TRPM3: variants seen among roughly 807,000 people sequenced by gnomAD.
TRPM3 encodes the protein long transient receptor potential channel 3.
A neutral mutation model predicts 181.2 loss-of-function variants in TRPM3; 77 were observed. The observed-to-expected ratio is 0.42, with a 90% CI of 0.35 to 0.51. The LOEUF (loss-of-function observed/expected upper bound fraction) is 0.51, where lower values mean the gene tolerates loss of function less well. Ranked by LOEUF, TRPM3 falls within the 20% of genes least tolerant of loss-of-function variation. TRPM3 has a pLI of 0.01. For synonymous variants in TRPM3, 745 were observed against 796.4 expected, an observed-to-expected ratio of 0.94 and a Z score of 1.09; for missense variants, 1,759 against 2,196.7, an observed-to-expected ratio of 0.80 and a Z score of 3.98.
At chr9:71,241,586 T>C (rs1056398346) in intron 1 of TRPM3, among the ~76,000 whole-genome samples, 1 of 152,012 alleles carries the variant, frequency 6.6e-6, no homozygotes, top group Non-Finnish European at 1.5e-5. Flanking sequence ...ATATGGCACA[T>C]GTATACGTAT....
At chr9:71,274,952 A>G (rs1048166657) in intron 1 of TRPM3, among the ~76,000 whole-genome samples, 2 of 152,124 alleles carry the variant, frequency 1.3e-5, no homozygotes, top group East Asian at 3.9e-4. Flanking sequence ...GAAATGCTTA[A>G]TCCTTTGAGT....
intron 8 of TRPM3, among the ~76,000 whole-genome samples, chr9:70,746,849 G>A (rs529281289): frequency 6.6e-6 from 1 of 152,236 alleles, no homozygotes; most frequent in Non-Finnish European, 1.5e-5. Context: ...TTGGAATCCA[G>A]GTTTGTCTGC....
chr9:71,436,298 C>CTT lies in TRPM3; in HGVS notation c.183+10353_183+10354dup, dbSNP rs71352382. On this transcript the variant is annotated intron_variant, in intron 1 of 24. Coordinates refer to the TRPM3 transcript ENST00000357533. ...TTAAACCTCTCTTTTTTTTTTCTTTCTTTTTTTTTTTTTTTTTTTTTTGAG... is the reference window on the plus strand; with the variant it reads ...TTAAACCTCTCTTTTTTTTTTCTTTCTTTTTTTTTTTTTTTTTTTTTTTTGAG... 4.5e-3 allele frequency among the ~76,000 whole-genome samples: 346 copies of CTT among 77,312 alleles called. 3 individuals are homozygous for CTT. The highest frequency in any genetic ancestry group is 9.0e-3 in the African/African-American group (203 of 22,518). 50.7% of individuals were successfully genotyped at this position (77,312 alleles called of 152,430 possible). A position where few individuals can be genotyped will look rare whatever the true frequency, so the allele number is the denominator to read the frequency against.
At chr9:70,631,503 A>G (rs778597594) in intron 12 of TRPM3, among the ~76,000 whole-genome samples, 1 of 152,058 alleles carries the variant, frequency 6.6e-6, no homozygotes, top group African/African-American at 2.4e-5. Flanking sequence ...TAGTATAGGT[A>G]ATTTGAAGTA....
intron 11 of TRPM3, among the ~76,000 whole-genome samples, chr9:70,638,637 T>C (rs1263213149): frequency 1.3e-5 from 2 of 152,194 alleles, no homozygotes. Flanking sequence ...ATAGCTGAAC[T>C]ATGAAGAATG....
chr9:71,123,254 G>A (rs536073905), upstream of TRPM3, among the ~76,000 whole-genome samples: 1 of 152,142 alleles, frequency 6.6e-6, no homozygotes, highest in Non-Finnish European at 1.5e-5. Flanking sequence ...AAGAAGAAAC[G>A]CTCAGCATTT....
At chr9:71,383,227 T>C (rs2092844710) in intron 1 of TRPM3, among the ~76,000 whole-genome samples, 1 of 152,168 alleles carries the variant, frequency 6.6e-6, no homozygotes, top group African/African-American at 2.4e-5. Context: ...TACATGTATA[T>C]GTGTGTTTTT....
At chr9:70,642,429 G>C (rs762507958) in intron 9 of TRPM3, among the ~76,000 whole-genome samples, 1 of 152,172 alleles carries the variant, frequency 6.6e-6, no homozygotes, top group Non-Finnish European at 1.5e-5. Context: ...CATTCCTCTG[G>C]GTTCGCCAGC....
chr9:70,825,394 T>C (rs188503125), intron 6 of TRPM3: 78 of 152,292 alleles, frequency 5.1e-4, no homozygotes, highest in African/African-American at 1.8e-3. Context: ...TGGGTCTCTA[T>C]GAAGCCACAA....
chr9:70,822,267 T>C (rs759325176), intron 6 of TRPM3, among the ~76,000 whole-genome samples: 3 of 152,212 alleles, frequency 2.0e-5, no homozygotes, highest in Non-Finnish European at 4.4e-5. Flanking sequence ...TAGAGACTAG[T>C]CCTCAGTCCC....
At chr9:71,205,055 G>A (rs1565339644) in intron 1 of TRPM3, among the ~76,000 whole-genome samples, 1 of 151,984 alleles carries the variant, frequency 6.6e-6, no homozygotes, top group African/African-American at 2.4e-5. Flanking sequence ...ACACAACAGG[G>A]CCTGTTGTGG....
At chr9:70,662,652 A>T (rs961368543) in intron 9 of TRPM3, among the ~76,000 whole-genome samples, 2 of 152,210 alleles carry the variant, frequency 1.3e-5, no homozygotes, top group Admixed American at 6.5e-5. Flanking sequence ...GTTCAACATC[A>T]CTAATTCTCA....
intron 19 of TRPM3, among the ~76,000 whole-genome samples, chr9:70,606,840 A>AAAC (rs1301140903): frequency 1.3e-5 from 2 of 152,128 alleles, no homozygotes; most frequent in Admixed American, 6.5e-5. Context: ...ACTAACTATC[A>AAAC]AACACAAGCA....
chr9:70,611,291 A>G (rs1482873410), intron 18 of TRPM3, among the ~76,000 whole-genome samples: 1 of 152,180 alleles, frequency 6.6e-6, no homozygotes, highest in Non-Finnish European at 1.5e-5. Context: ...CTGTGTCCCC[A>G]CCCAAATCTC....
At chr9:71,055,403 T>C (rs1042575672) in intron 1 of TRPM3, among the ~76,000 whole-genome samples, 1 of 152,026 alleles carries the variant, frequency 6.6e-6, no homozygotes, top group African/African-American at 2.4e-5. Flanking sequence ...GTCTTCAAGA[T>C]TTCACACAGA....
chr9:71,187,860 C>T (rs1296308081), intron 1 of TRPM3, among the ~76,000 whole-genome samples: 1 of 151,406 alleles, frequency 6.6e-6, no homozygotes, highest in Non-Finnish European at 1.5e-5. Flanking sequence ...ACTCTCTGAA[C>T]ATATCTTCAA....
intron 1 of TRPM3, among the ~76,000 whole-genome samples, chr9:71,168,054 G>C (rs181966887): frequency 3.2e-3 from 480 of 152,226 alleles, no homozygotes; most frequent in African/African-American, 0.011. Context: ...AAAATGGCTT[G>C]CCAAATTTTT....
chr9:70,587,444 A>T (rs1482097588), intron 22 of TRPM3, among the ~76,000 whole-genome samples: 1 of 152,196 alleles, frequency 6.6e-6, no homozygotes, highest in Non-Finnish European at 1.5e-5. Context: ...GGAGAAAGCC[A>T]GAGACACCCC....
chr9:71,350,918 G>A (rs555004490), intron 1 of TRPM3, among the ~76,000 whole-genome samples: 64 of 152,110 alleles, frequency 4.2e-4, no homozygotes, highest in Non-Finnish European at 7.2e-4. Context: ...TAAATACCCT[G>A]GCAATTAGGC....
Sources: allele counts gnomAD v4.1 joint callset (sites outside exome capture counted in the v4.1 genomes callset), GRCh38; gene constraint gnomAD v4.1.1; transcripts MANE v1.5; gene names NCBI Gene and HGNC (gene_info 2026-07-23, HGNC 2026-07-21).